ZNF816: variants seen among roughly 807,000 people sequenced by gnomAD.
ZNF816 encodes zinc finger protein 816.
ZNF816 carries 11 observed loss-of-function variants against 8.3 expected under a neutral mutation model. The observed-to-expected ratio is 1.32, with a 90% confidence interval of 0.83 to 2.19. ZNF816 has a LOEUF of 2.19. Among genes scored for constraint, ZNF816 ranks in the 30% most tolerant of loss-of-function variants. The pLI is 0.00. For synonymous variants in ZNF816, 255 were observed against 254.5 expected, an observed-to-expected ratio of 1.00 and a Z score of -0.02; for missense variants, 710 against 779.3, an observed-to-expected ratio of 0.91 and a Z score of 1.06.
intron 2 of ZNF816, among the ~76,000 whole-genome samples, chr19:52,953,857 T>C (rs1425605746): frequency 4.0e-5 from 6 of 148,960 alleles, no homozygotes; most frequent in African/African-American, 7.4e-5. Flanking sequence ...CTCTCCAACA[T>C]GGCAAAACTC....
At chr19:52,956,383 T>C in intron 1 of ZNF816, 1 of 287,092 alleles carries the variant, frequency 3.5e-6, no homozygotes, top group East Asian at 6.9e-5. Flanking sequence ...CCAAACTCCA[T>C]GCAGAGCACA....
rs1238103734 is a variant in ZNF816 at position 52,950,145 on chromosome 19, T to C, written c.1630A>G (p.Lys544Glu). 1.2e-6 allele frequency: 2 copies of C among 1,614,096 alleles called. No individual in the cohort carries two copies. Among genetic ancestry groups the C allele is most frequent in the Admixed American group, 1.7e-5 (1 of 60,006 alleles). ...AGGCATGAATCACTCCGGAAAGCCTTGTCACAAACCTTACATTTGTATGGT... is the reference window on the plus strand; with the variant it reads ...AGGCATGAATCACTCCGGAAAGCCTCGTCACAAACCTTACATTTGTATGGT... ...EKPYKCKVCD[K>E]AFRSDSCLAN... The change falls in exon 4 of 4, where the codon AAG (lysine) becomes GAG (glutamate). Residue 544 changes from lysine to glutamate, a missense_variant. Physicochemically the swap from Lys to Glu is moderately conservative, Grantham distance 56. Coordinates refer to ENST00000444460, the MANE Select transcript of ZNF816 (RefSeq NM_001202457.3).
At position 52,950,450 on chromosome 19, in the gene ZNF816, T is replaced by G; in HGVS notation, c.1325A>C (p.Glu442Ala). The G allele has an allele frequency of 2.5e-6, 4 of 1,613,632 alleles. No homozygotes were observed. The highest frequency in any genetic ancestry group is 3.4e-6 in the Non-Finnish European group (4 of 1,179,974). ...CTCTCCAGTATGAACTCTCTGATGT[T>G]CTGCAAGGTATGAATCACTCCGGAA... ...KVFRSDSYLA[E>A]HQRVHTGEKP... The change falls in exon 4 of 4, where the codon GAA (glutamate) becomes GCA (alanine). Residue 442 changes from glutamate (E) to alanine (A), a missense_variant. Physicochemically the swap from Glu to Ala is moderately radical, Grantham distance 107. Transcript: ENST00000444460.
At chr19:52,958,175 C>A (rs969668821) in intron 1 of ZNF816, among the ~76,000 whole-genome samples, 3 of 152,188 alleles carry the variant, frequency 2.0e-5, no homozygotes, top group African/African-American at 4.8e-5. Context: ...CTGGAACACT[C>A]CCCTCCTGCC....
At chr19:52,958,787 G>T (rs1191169470) in intron 1 of ZNF816, among the ~76,000 whole-genome samples, 2 of 152,196 alleles carry the variant, frequency 1.3e-5, no homozygotes, top group African/African-American at 4.8e-5. Context: ...GCAGGTGAAA[G>T]AATTCTTAGG....
intron 3 of ZNF816, chr19:52,951,983 G>A (rs147176849): frequency 1.2e-5 from 5 of 404,800 alleles, no homozygotes; most frequent in Middle Eastern, 6.3e-4. Context: ...AATTTCTACA[G>A]CAGTGACTAC....
At chr19:52,961,511 G>A in intron 1 of ZNF816, among the ~76,000 whole-genome samples, 1 of 152,174 alleles carries the variant, frequency 6.6e-6, no homozygotes, top group East Asian at 1.9e-4. Flanking sequence ...AAAAAAAGAA[G>A]CCAACCCCTC....
Position 52,950,181 on chromosome 19 carries a change from T to C in ZNF816, c.1594A>G (p.Thr532Ala). ...TTACATTTGTATGGTTTTTCCCCAG[T>C]ATGAATTCTCCTATGTCTTTCAAGG... Reference protein sequence around the residue: ...SHLERHRRIHTGEKPYKCKVC... With the variant: ...SHLERHRRIHAGEKPYKCKVC... The change falls in exon 4 of 4, where the codon ACT (threonine) becomes GCT (alanine). Residue 532 changes from threonine to alanine, a missense_variant. Physicochemically the swap from Thr to Ala is moderately conservative, Grantham distance 58 (BLOSUM62 0). Transcript: ENST00000444460. The C allele has an allele frequency of 1.2e-6, 2 of 1,613,996 alleles. No individual in the cohort carries two copies. The highest frequency in any genetic ancestry group is 1.7e-6 in the Non-Finnish European group (2 of 1,179,960).
rs1306621333 is a variant in ZNF816, at chr19:52,949,866, T to C, written c.1909A>G (p.Ile637Val). ...GKAFTGQSTL[I>V]HHQAIHGCRE... ...CACCCATGGATTGCTTGATGGTGAA[T>C]AAGTGTTGACTGTCCAGTAAAGGCT... Residue 637 changes from isoleucine to valine, a missense_variant, in exon 4 of 4, where the codon ATT (isoleucine) becomes GTT (valine). Ile to Val is a conservative substitution (Grantham distance 29). Transcript: ENST00000444460. The C allele has an allele frequency of 1.2e-6, 2 of 1,613,766 alleles. No individual in the cohort carries two copies. Among genetic ancestry groups the C allele is most frequent in the Non-Finnish European group, 1.7e-6 (2 of 1,179,730 alleles).
rs1568439500 is a variant in ZNF816 at position 52,956,100 on chromosome 19, A to T, written c.-11T>A. On this transcript the variant is annotated 5_prime_UTR_variant, in exon 2 of 4. Coordinates refer to ENST00000444460, the MANE Select transcript of ZNF816 (RefSeq NM_001202457.3). ...TTCCTCACGTAACATGAGTCTTTGG[A>T]AATCCTGTATGTTAAAAAAGCAAGA... 3.1e-6 allele frequency: 5 copies of T among 1,605,214 alleles called. No individual in the cohort carries two copies. The highest frequency in any genetic ancestry group is 4.2e-6 in the Non-Finnish European group (5 of 1,177,862).
chr19:52,956,557 T>C (rs190034355), intron 1 of ZNF816, among the ~76,000 whole-genome samples: 2 of 152,376 alleles, frequency 1.3e-5, no homozygotes, highest in African/African-American at 2.4e-5. Flanking sequence ...TAAAACAGCA[T>C]GCCTGTAATC....
chr19:52,950,641 G>C lies in ZNF816; in HGVS notation c.1134C>G (p.Phe378Leu), dbSNP rs2083448837. 1 of 1,613,946 alleles carries C rather than the reference G, an allele frequency of 6.2e-7. No homozygotes were observed. The highest frequency in any genetic ancestry group is 1.3e-5 in the African/African-American group (1 of 74,906). Residue 378 changes from phenylalanine to leucine, a missense_variant, in exon 4 of 4, where the codon TTC (phenylalanine) becomes TTG (leucine). Transcript: ENST00000444460. Reference sequence around the variant, plus strand: ...GGCATTGAAGGGATGATTTCTGACTGAAGGTCTTGCCACACTCATTACACT... The same window carrying C: ...GGCATTGAAGGGATGATTTCTGACTCAAGGTCTTGCCACACTCATTACACT... ...PYKCNECGKTFSQKSSLQCHH... is the reference protein window; with the variant it reads ...PYKCNECGKTLSQKSSLQCHH...
intron 1 of ZNF816, among the ~76,000 whole-genome samples, chr19:52,958,110 A>G (rs563373486): frequency 1.6e-4 from 24 of 152,290 alleles, no homozygotes; most frequent in South Asian, 4.1e-4. Flanking sequence ...GAAAGTATCC[A>G]GGTCCATCTC....
chr19:52,962,584 CG>C (rs924659409), intron 1 of ZNF816, 142 bp downstream of exon 1: 4 of 152,162 alleles, frequency 2.6e-5, no homozygotes, highest in African/African-American at 9.7e-5. Flanking sequence ...CAGCGCGAGG[CG>C]GGAGGACGCG....
At chr19:52,960,643 G>A (rs1228597905) in intron 1 of ZNF816, among the ~76,000 whole-genome samples, 1 of 152,160 alleles carries the variant, frequency 6.6e-6, no homozygotes, top group Non-Finnish European at 1.5e-5. Flanking sequence ...ATTCTCCCCA[G>A]TTCACTCTTT....
intron 2 of ZNF816, chr19:52,953,290 G>A: frequency 3.1e-6 from 1 of 318,826 alleles, no homozygotes; most frequent in Non-Finnish European, 6.3e-6. Context: ...CTACCTGGGA[G>A]GCTGATGCAC....
intron 1 of ZNF816, among the ~76,000 whole-genome samples, chr19:52,961,886 C>T (rs2083560189): frequency 1.3e-5 from 2 of 152,174 alleles, no homozygotes; most frequent in African/African-American, 4.8e-5. Context: ...TCCAGTTCCT[C>T]ACACAATTCC....
rs758035734 is a variant in ZNF816, at chr19:52,951,439, G to A, written c.336C>T (p.His112=). Residue 112 remains histidine (H), a synonymous_variant, in exon 4 of 4, where the codon CAC becomes CAT. Coordinates refer to ENST00000444460, the MANE Select transcript of ZNF816 (RefSeq NM_001202457.3). ...CAACTTCTTGCCACTGAAACTCAAA[G>A]TGATGAATATCTTTCTTCATTTCTG... is the stretch of plus-strand genomic sequence containing the variant. The part of the protein sequence containing the change: ...CFPEMKKDIH[H]FEFQWQEVER... The A allele has an allele frequency of 6.2e-7, 1 of 1,614,028 alleles. No homozygotes were observed. The highest frequency in any genetic ancestry group is 8.5e-7 in the Non-Finnish European group (1 of 1,179,946).
intron 1 of ZNF816, among the ~76,000 whole-genome samples, chr19:52,960,438 T>G (rs937077369): frequency 4.6e-5 from 7 of 152,326 alleles, no homozygotes; most frequent in African/African-American, 1.7e-4. Context: ...GATAACGGGC[T>G]GGAGTTTGTG....
Sources: gnomAD v4.1 joint callset for allele counts (sites outside exome capture counted in the v4.1 genomes callset) on GRCh38, gnomAD v4.1.1 for gene constraint, MANE v1.5 for transcripts, NCBI Gene and HGNC (gene_info 2026-07-23, HGNC 2026-07-21) for gene names.